Variants in ERC1 observed in about 807,000 individuals in gnomAD.
ERC1 encodes ELKS/RAB6-interacting/CAST family member 1.
ERC1 carries 56 observed loss-of-function variants against 132.0 expected under a neutral mutation model. That is an observed-to-expected ratio of 0.42 (90% confidence interval 0.34 to 0.53). ERC1 has a LOEUF of 0.53. Among genes scored for constraint, ERC1 ranks in the 20% least tolerant of loss-of-function variants. ERC1 has a pLI of 0.03. For missense variants in ERC1, 1,202 were observed against 1,349.9 expected (o/e 0.89, Z 1.72); for synonymous variants, 478 against 476.1 (o/e 1.00, Z -0.05).
intron 2 of ERC1, among the ~76,000 whole-genome samples, chr12:1,082,713 C>A (rs1408152910): frequency 6.6e-6 from 1 of 151,292 alleles, no homozygotes; most frequent in Non-Finnish European, 1.5e-5. Context: ...TGGTCTTGAA[C>A]TCCTGACCTC....
chr12:1,095,975 G>C (rs7312694), intron 3 of ERC1, among the ~76,000 whole-genome samples: 1 of 149,134 alleles, frequency 6.7e-6, no homozygotes, highest in African/African-American at 2.5e-5. Flanking sequence ...TTGTCACCTA[G>C]AGTGCAGTGG....
At chr12:1,332,074 C>G (rs1353173458) in intron 15 of ERC1, among the ~76,000 whole-genome samples, 1 of 152,134 alleles carries the variant, frequency 6.6e-6, no homozygotes, top group Non-Finnish European at 1.5e-5. Context: ...ACTATTCTCA[C>G]CTTCTAAAAC....
rs1327037737 is a variant in ERC1 at position 1,159,143 on chromosome 12, A to G, written c.1737+17356A>G. 2.6e-5 allele frequency among the ~76,000 whole-genome samples: 4 copies of G among 152,206 alleles called. No homozygotes were observed. In the East Asian group the frequency reaches 7.7e-4, roughly 29 times the overall value. ...ATTGATTTCCTCTCAGGTAGCATGTATCAGTTTTGGACAGTTTTGACCCTA... is the reference window on the plus strand; with the variant it reads ...ATTGATTTCCTCTCAGGTAGCATGTGTCAGTTTTGGACAGTTTTGACCCTA... On this transcript the variant is annotated intron_variant, in intron 8 of 18. Coordinates refer to ENST00000360905, the MANE Select transcript of ERC1 (RefSeq NM_178040.4).
chr12:1,305,384 G>A (rs2080800409), intron 15 of ERC1, among the ~76,000 whole-genome samples: 1 of 152,154 alleles, frequency 6.6e-6, no homozygotes, highest in African/African-American at 2.4e-5. Context: ...TTTTTACAGG[G>A]ATAGTCAACC....
chr12:1,220,207 C>G (rs1362957529), intron 12 of ERC1, among the ~76,000 whole-genome samples: 1 of 152,172 alleles, frequency 6.6e-6, no homozygotes, highest in African/African-American at 2.4e-5. Context: ...CATTACATTG[C>G]TTGTTTTAAT....
chr12:1,431,153 C>G (rs912050204), intron 17 of ERC1, among the ~76,000 whole-genome samples: 8 of 152,142 alleles, frequency 5.3e-5, no homozygotes, highest in African/African-American at 1.9e-4. Context: ...TGCGCTGATG[C>G]CGACTGAGAA....
chr12:1,215,589 C>G (rs1958323387), intron 12 of ERC1, among the ~76,000 whole-genome samples: 1 of 152,076 alleles, frequency 6.6e-6, no homozygotes, highest in Non-Finnish European at 1.5e-5. Flanking sequence ...ATACTATCAT[C>G]TAGATACAGA....
intron 14 of ERC1, among the ~76,000 whole-genome samples, chr12:1,277,087 A>G (rs2078326169): frequency 6.6e-6 from 1 of 152,206 alleles, no homozygotes; most frequent in Non-Finnish European, 1.5e-5. Context: ...TTTAGAAATC[A>G]TTATTATCCC....
chr12:1,104,278 G>T (rs1444765714), intron 3 of ERC1, among the ~76,000 whole-genome samples: 1 of 152,178 alleles, frequency 6.6e-6, no homozygotes, highest in African/African-American at 2.4e-5. Flanking sequence ...TTATTCTGGG[G>T]GTGGATGCCG....
chr12:1,050,261 A>C (rs1335882291), intron 2 of ERC1, among the ~76,000 whole-genome samples: 2 of 152,200 alleles, frequency 1.3e-5, no homozygotes, highest in Non-Finnish European at 2.9e-5. Flanking sequence ...AAGATCTAAG[A>C]CTTGAAGCAG....
chr12:1,166,282 G>A (rs1018472203), intron 8 of ERC1, among the ~76,000 whole-genome samples: 2 of 152,118 alleles, frequency 1.3e-5, no homozygotes, highest in African/African-American at 4.8e-5. Context: ...GAGATCTGAT[G>A]GTTTTATAAA....
At chr12:1,028,996 A>G (rs1031873141) in intron 2 of ERC1, among the ~76,000 whole-genome samples, 13 of 152,174 alleles carry the variant, frequency 8.5e-5, no homozygotes, top group African/African-American at 2.9e-4. Flanking sequence ...ATTCTTAAAA[A>G]CAAAACAAAA....
intron 14 of ERC1, among the ~76,000 whole-genome samples, chr12:1,265,104 T>A: frequency 6.6e-6 from 1 of 152,224 alleles, no homozygotes; most frequent in East Asian, 1.9e-4. Context: ...CACAGTCACA[T>A]AGAGCTTGGT....
At chr12:1,031,018 C>T (rs1033737186) in intron 2 of ERC1, among the ~76,000 whole-genome samples, 22 of 152,278 alleles carry the variant, frequency 1.4e-4, no homozygotes, top group African/African-American at 1.9e-4. Flanking sequence ...GACTGTAAAT[C>T]TAATTTAAGA....
chr12:1,223,862 A>G (rs1201873965), intron 12 of ERC1, among the ~76,000 whole-genome samples: 3 of 152,172 alleles, frequency 2.0e-5, no homozygotes, highest in African/African-American at 7.2e-5. Flanking sequence ...AGTTCAGGCA[A>G]AACAGCAGTT....
intron 15 of ERC1, among the ~76,000 whole-genome samples, chr12:1,293,813 C>T (rs1267722214): frequency 6.6e-6 from 1 of 152,072 alleles, no homozygotes; most frequent in Non-Finnish European, 1.5e-5. Flanking sequence ...CATGTTTACT[C>T]TTCACAAAGC....
chr12:1,492,496 C>T lies in ERC1; in HGVS notation c.*2266C>T, dbSNP rs181920205. ...TCTCTCCAAGCAGGTGGCCCAGATCCCACCCACGTGGACTTTCTCATCAGG... is the reference window on the plus strand; with the variant it reads ...TCTCTCCAAGCAGGTGGCCCAGATCTCACCCACGTGGACTTTCTCATCAGG... On this transcript the variant is annotated 3_prime_UTR_variant, in exon 19 of 19. Transcript: ENST00000360905. 311 of 233,270 alleles carry T rather than the reference C, an allele frequency of 1.3e-3. 1 individual carries two copies. Among genetic ancestry groups the T allele is most frequent in the African/African-American group, 5.6e-3 (256 of 45,446 alleles). The allele number at this position is 233,270 out of a possible 1,614,324, so 14.5% of individuals were successfully genotyped here.
intron 18 of ERC1, among the ~76,000 whole-genome samples, chr12:1,471,613 T>C (rs7299186): frequency 0.018 from 2,695 of 150,802 alleles, 84 homozygotes; most frequent in African/African-American, 0.064. Context: ...TAGCAACACG[T>C]GTTTCTTGGT....
At position 1,486,424 on chromosome 12, in the gene ERC1, T is replaced by G. The variant is rs145297927; in HGVS notation, c.3214-3669T>G. Among the ~76,000 whole-genome samples the G allele has an allele frequency of 9.6e-3, 1,462 of 152,024 alleles. 27 individuals carry two copies. The highest frequency in any genetic ancestry group is 0.033 in the African/African-American group (1,378 of 41,484). Reference sequence around the variant, plus strand: ...TTTGTGAAGCACTTTTTACTTTATTTTATTTTATTTTATTTTTGAGATAAG... The same window carrying G: ...TTTGTGAAGCACTTTTTACTTTATTGTATTTTATTTTATTTTTGAGATAAG... On this transcript the variant is annotated intron_variant, in intron 18 of 18. Coordinates refer to ENST00000360905, the MANE Select transcript of ERC1 (RefSeq NM_178040.4).
Sources: gnomAD v4.1 joint callset for allele counts (sites outside exome capture counted in the v4.1 genomes callset) on GRCh38, gnomAD v4.1.1 for gene constraint, MANE v1.5 for transcripts, NCBI Gene and HGNC (gene_info 2026-07-23, HGNC 2026-07-21) for gene names.